Variants in ADGRL3 observed in about 807,000 individuals in gnomAD.
The protein encoded by ADGRL3 is adhesion G protein-coupled receptor L3.
ADGRL3 carries 62 observed loss-of-function variants against 153.5 expected under a neutral mutation model. That is an observed-to-expected ratio of 0.40 (90% confidence interval 0.33 to 0.50). The LOEUF (loss-of-function observed/expected upper bound fraction) is 0.50. Among genes scored for constraint, ADGRL3 ranks in the 20% least tolerant of loss-of-function variants. The pLI, the probability that ADGRL3 is intolerant of heterozygous loss-of-function variation, is 0.47. For missense variants in ADGRL3, 1,641 were observed against 1,859.4 expected (o/e 0.88, Z 2.16); for synonymous variants, 710 against 672.5 (o/e 1.06, Z -0.86).
rs141132421 is a variant in ADGRL3, at chr4:61,233,381, T to C, written c.-240+31616T>C. The stretch of plus-strand genomic sequence containing the variant: ...GGTTTGCCCTACTTTTCTACCATTA[T>C]ACTACTCTTTTTTCTCTTCTTTCTG... On this transcript the variant is annotated intron_variant, in intron 1 of 26. Coordinates refer to ENST00000683033, the MANE Select transcript of ADGRL3 (RefSeq NM_001387552.1). 5.3e-3 allele frequency among the ~76,000 whole-genome samples: 801 copies of C among 152,294 alleles called. 8 individuals carry two copies. The highest frequency in any genetic ancestry group is 0.018 in the African/African-American group (751 of 41,566).
At chr4:61,446,655 C>T (rs1190781214) in intron 2 of ADGRL3, among the ~76,000 whole-genome samples, 1 of 152,108 alleles carries the variant, frequency 6.6e-6, no homozygotes, top group Non-Finnish European at 1.5e-5. Flanking sequence ...TGATCATATC[C>T]ACATTTGACC....
chr4:61,465,988 A>C (rs1229741492), intron 2 of ADGRL3, among the ~76,000 whole-genome samples: 1 of 151,568 alleles, frequency 6.6e-6, no homozygotes, highest in Non-Finnish European at 1.5e-5. Flanking sequence ...TAGACGTGGC[A>C]GCATGTACTT....
At chr4:61,566,319 T>C (rs1030352500) in intron 4 of ADGRL3, among the ~76,000 whole-genome samples, 7 of 152,146 alleles carry the variant, frequency 4.6e-5, no homozygotes, top group South Asian at 2.1e-4. Context: ...ATGAGTTCTG[T>C]TGGATTAGGG....
At chr4:61,217,514 T>C (rs567532323) in intron 1 of ADGRL3, among the ~76,000 whole-genome samples, 1 of 152,312 alleles carries the variant, frequency 6.6e-6, no homozygotes, top group Admixed American at 6.5e-5. Flanking sequence ...AAATCTGAAG[T>C]TTTCCTTTTA....
At chr4:61,248,005 A>G (rs947389123) in intron 1 of ADGRL3, among the ~76,000 whole-genome samples, 1 of 152,100 alleles carries the variant, frequency 6.6e-6, no homozygotes, top group African/African-American at 2.4e-5. Flanking sequence ...TAATTTGTAT[A>G]TGTTTTAGAG....
chr4:61,714,023 T>C (rs1383401302), intron 6 of ADGRL3, among the ~76,000 whole-genome samples: 2 of 152,146 alleles, frequency 1.3e-5, no homozygotes, highest in African/African-American at 4.8e-5. Context: ...TCTTATCCCC[T>C]CTTTTATGCC....
intron 5 of ADGRL3, among the ~76,000 whole-genome samples, chr4:61,588,539 A>G (rs1311073193): frequency 6.6e-6 from 1 of 151,998 alleles, no homozygotes; most frequent in East Asian, 1.9e-4. Context: ...GTGTACTTGA[A>G]GGGTAATGAA....
chr4:61,768,111 G>T (rs2097024329), intron 8 of ADGRL3, among the ~76,000 whole-genome samples: 1 of 152,102 alleles, frequency 6.6e-6, no homozygotes, highest in African/African-American at 2.4e-5. Context: ...TGATGAAAAA[G>T]AGCCTAAACG....
chr4:61,344,228 C>T (rs2095857365), intron 1 of ADGRL3, among the ~76,000 whole-genome samples: 1 of 152,196 alleles, frequency 6.6e-6, no homozygotes, highest in Admixed American at 6.5e-5. Context: ...TTAAGACCTT[C>T]CTTCAAAGTC....
intron 1 of ADGRL3, among the ~76,000 whole-genome samples, chr4:61,306,840 G>A (rs1449019030): frequency 1.3e-5 from 2 of 152,044 alleles, no homozygotes; most frequent in African/African-American, 2.4e-5. Flanking sequence ...ATTCCTTCAC[G>A]TGTGCAACCA....
chr4:61,571,452 G>T (rs759053153), intron 4 of ADGRL3, among the ~76,000 whole-genome samples: 5 of 152,150 alleles, frequency 3.3e-5, no homozygotes, highest in Non-Finnish European at 7.4e-5. Flanking sequence ...GTTCAAGGCT[G>T]CAGTGAGCTA....
At chr4:61,668,242 G>T (rs2094868752) in intron 5 of ADGRL3, among the ~76,000 whole-genome samples, 1 of 152,202 alleles carries the variant, frequency 6.6e-6, no homozygotes, top group South Asian at 2.1e-4. Context: ...GTGCTGTGTT[G>T]TGGGGCCACA....
chr4:61,936,125 C>T (rs1459803866), intron 15 of ADGRL3, 80 bp downstream of exon 15: 5 of 1,507,856 alleles, frequency 3.3e-6, no homozygotes, highest in African/African-American at 1.4e-5. Context: ...AATATTAGGT[C>T]CACTATTTAG....
At chr4:61,207,234 T>C (rs1054920693) in intron 1 of ADGRL3, among the ~76,000 whole-genome samples, 8 of 152,078 alleles carry the variant, frequency 5.3e-5, no homozygotes, top group African/African-American at 1.9e-4. Context: ...GTGTATGATG[T>C]TCCCCTCCCT....
chr4:61,984,516 G>C (rs1405707856), intron 19 of ADGRL3, among the ~76,000 whole-genome samples: 2 of 152,136 alleles, frequency 1.3e-5, no homozygotes, highest in East Asian at 3.9e-4. Context: ...ACAGTGAGCT[G>C]TGATCATGCC....
intron 13 of ADGRL3, among the ~76,000 whole-genome samples, chr4:61,929,797 C>T (rs1158979508): frequency 1.3e-5 from 2 of 152,088 alleles, no homozygotes; most frequent in South Asian, 2.1e-4. Flanking sequence ...TTCCCCTCCC[C>T]GCCCCCCAGT....
At chr4:62,036,438 A>G (rs930407175) in intron 23 of ADGRL3, among the ~76,000 whole-genome samples, 2 of 151,922 alleles carry the variant, frequency 1.3e-5, no homozygotes, top group Admixed American at 6.6e-5. Flanking sequence ...CCCTATCTCT[A>G]TCATTTTTCT....
intron 6 of ADGRL3, among the ~76,000 whole-genome samples, chr4:61,710,924 C>T (rs2095966156): frequency 6.6e-6 from 1 of 152,124 alleles, no homozygotes; most frequent in Admixed American, 6.5e-5. Flanking sequence ...TATGACATGA[C>T]TCTACTAACT....
At chr4:61,666,454 A>T (rs1248068392) in intron 5 of ADGRL3, among the ~76,000 whole-genome samples, 2 of 151,912 alleles carry the variant, frequency 1.3e-5, no homozygotes, top group East Asian at 3.9e-4. Context: ...CAGCCCAGTC[A>T]TGCGGAGAGG....
Sources: allele counts gnomAD v4.1 joint callset (sites outside exome capture counted in the v4.1 genomes callset), GRCh38; gene constraint gnomAD v4.1.1; transcripts MANE v1.5; gene names NCBI Gene and HGNC (gene_info 2026-07-23, HGNC 2026-07-21).